The following PDZRN3 variants were observed in gnomAD, a reference collection of about 807,000 sequenced individuals.
PDZRN3 encodes PDZ domain containing ring finger 3, also known as E3 ubiquitin-protein ligase PDZRN3.
Under a neutral mutation model 85.7 loss-of-function variants are expected in PDZRN3, and 38 were observed. The observed-to-expected ratio is 0.44, with a 90% CI of 0.34 to 0.58. The LOEUF (loss-of-function observed/expected upper bound fraction) is 0.58, where lower values mean the gene tolerates loss of function less well. PDZRN3 is among the 20% of genes least tolerant of loss of function. PDZRN3 has a pLI of 0.01. For synonymous variants in PDZRN3, 759 were observed against 638.0 expected (o/e 1.19, Z -2.86); for missense variants, 1,629 against 1,506.4 (o/e 1.08, Z -1.35).
At chr3:73,560,477 A>C (rs1701793567) in intron 3 of PDZRN3, among the ~76,000 whole-genome samples, 1 of 152,194 alleles carries the variant, frequency 6.6e-6, no homozygotes, top group African/African-American at 2.4e-5. Flanking sequence ...TTCCATAAGA[A>C]AATATGCACC....
At chr3:73,523,068 G>A (rs1199453066) in intron 3 of PDZRN3, among the ~76,000 whole-genome samples, 1 of 152,158 alleles carries the variant, frequency 6.6e-6, no homozygotes, top group Non-Finnish European at 1.5e-5. Flanking sequence ...TGTCGCCCAG[G>A]CTGGAGTGCA....
At chr3:73,403,352 C>A (rs186742262) in intron 4 of PDZRN3, among the ~76,000 whole-genome samples, 76 of 152,278 alleles carry the variant, frequency 5.0e-4, no homozygotes, top group African/African-American at 1.8e-3. Context: ...TTTACATCAC[C>A]CACTAAATTA....
chr3:73,580,150 T>C (rs1179967795), intron 3 of PDZRN3, among the ~76,000 whole-genome samples: 2 of 152,178 alleles, frequency 1.3e-5, no homozygotes, highest in Non-Finnish European at 2.9e-5. Context: ...AAAATATCAA[T>C]TTTCAGAGCT....
At chr3:73,508,616 G>A (rs1199373619) in intron 3 of PDZRN3, among the ~76,000 whole-genome samples, 1 of 152,132 alleles carries the variant, frequency 6.6e-6, no homozygotes, top group Non-Finnish European at 1.5e-5. Context: ...AAGCCAGGAA[G>A]CCTTAATTTC....
intron 3 of PDZRN3, among the ~76,000 whole-genome samples, chr3:73,529,028 T>G (rs1704592587): frequency 6.6e-6 from 1 of 152,120 alleles, no homozygotes; most frequent in Non-Finnish European, 1.5e-5. Context: ...CTGACAAGGT[T>G]AAAGTATACT....
intron 3 of PDZRN3, among the ~76,000 whole-genome samples, chr3:73,498,225 G>C (rs996175185): frequency 1.3e-5 from 2 of 152,090 alleles, no homozygotes; most frequent in Non-Finnish European, 2.9e-5. Context: ...CCATCCTCCT[G>C]ACTTGAGTTT....
chr3:73,475,102 A>C (rs1171617311), intron 3 of PDZRN3, among the ~76,000 whole-genome samples: 1 of 131,972 alleles, frequency 7.6e-6, no homozygotes, highest in Admixed American at 7.8e-5. Flanking sequence ...AGGGACCACC[A>C]GCTCTACACA....
intron 3 of PDZRN3, among the ~76,000 whole-genome samples, chr3:73,478,545 T>C (rs1327475934): frequency 6.6e-6 from 1 of 150,920 alleles, no homozygotes; most frequent in Non-Finnish European, 1.5e-5. Flanking sequence ...GTAATAATAA[T>C]ATAATAATAA....
At chr3:73,426,110 A>G (rs1164727520) in intron 3 of PDZRN3, among the ~76,000 whole-genome samples, 4 of 152,102 alleles carry the variant, frequency 2.6e-5, no homozygotes, top group Non-Finnish European at 5.9e-5. Context: ...TTAGGAGGAT[A>G]TAGGATAATG....
intron 3 of PDZRN3, among the ~76,000 whole-genome samples, chr3:73,528,548 C>A (rs1485989010): frequency 2.0e-5 from 3 of 151,994 alleles, no homozygotes; most frequent in African/African-American, 7.3e-5. Context: ...CTTTTATATG[C>A]GATTACGAAG....
At chr3:73,474,866 G>A (rs1240169161) in intron 3 of PDZRN3, among the ~76,000 whole-genome samples, 2 of 152,154 alleles carry the variant, frequency 1.3e-5, no homozygotes, top group Non-Finnish European at 2.9e-5. Flanking sequence ...TTCAGCCCTG[G>A]GGTGGCTAAT....
intron 5 of PDZRN3, among the ~76,000 whole-genome samples, chr3:73,393,352 A>G (rs994464223): frequency 3.3e-5 from 5 of 152,114 alleles, no homozygotes; most frequent in Non-Finnish European, 7.4e-5. Context: ...TACTACTACT[A>G]CTACTACTAC....
rs36036904 is a variant in PDZRN3 at position 73,390,654 on chromosome 3, T to TGTGTGTGTGTGAGAGAGA, written c.1353+363_1353+364insTCTCTCTCACACACACAC. Among the ~76,000 whole-genome samples the TGTGTGTGTGTGAGAGAGA allele has an allele frequency of 2.1e-5, 3 of 140,052 alleles. No homozygotes were observed. The South Asian group carries it at 7.2e-4, about 34-fold the overall frequency. The allele number at this position is 140,052 out of a possible 152,430, so 91.9% of individuals were successfully genotyped here. On this transcript the variant is annotated intron_variant, in intron 6 of 9. Coordinates refer to ENST00000263666, the MANE Select transcript of PDZRN3 (RefSeq NM_015009.3). ...AAAAAAATGTGTGTGTGTGTGTGTG[T>TGTGTGTGTGTGAGAGAGA]GAGAGAGAGAGAGAGAGAGGCTTTA...
intron 3 of PDZRN3, among the ~76,000 whole-genome samples, chr3:73,483,461 AGAAGAAATGTATTT>A (rs983263101): frequency 6.6e-6 from 1 of 152,220 alleles, no homozygotes; most frequent in African/African-American, 2.4e-5. Context: ...TTTACAGAAA[AGAAGAAATGTATTT>A]TTGCATTTTC....
At chr3:73,525,943 C>T (rs1010398761) in intron 3 of PDZRN3, among the ~76,000 whole-genome samples, 1 of 152,194 alleles carries the variant, frequency 6.6e-6, no homozygotes, top group African/African-American at 2.4e-5. Context: ...TTCCTGAGGG[C>T]AGGGACCCTC....
At position 73,383,952 on chromosome 3, in the gene PDZRN3, G is replaced by C. The variant is rs535289891; in HGVS notation, c.2614C>G (p.His872Asp). 1 of 1,601,576 alleles carries C rather than the reference G, an allele frequency of 6.2e-7. No homozygotes were observed. The highest frequency in any genetic ancestry group is 1.1e-5 in the South Asian group (1 of 89,082). The change falls in exon 10 of 10, where the codon CAC (histidine) becomes GAC (aspartate). Residue 872 changes from histidine to aspartate, a missense_variant. Transcript: ENST00000263666. Reference protein sequence around the residue: ...SYHHSPYKHAHIPAHAQHYQS... With the variant: ...SYHHSPYKHADIPAHAQHYQS... ...TAGTGCTGGGCGTGCGCCGGGATGT[G>C]CGCGTGCTTGTATGGGGAGTGGTGA...
intron 9 of PDZRN3, among the ~76,000 whole-genome samples, chr3:73,385,226 T>G (rs990506829): frequency 2.0e-5 from 3 of 150,938 alleles, no homozygotes; most frequent in African/African-American, 7.5e-5. Flanking sequence ...AGTACACAGG[T>G]AGAAGGATGT....
chr3:73,623,973 G>C (rs1449148426), intron 1 of PDZRN3, 130 bp downstream of exon 1: 26 of 919,672 alleles, frequency 2.8e-5, no homozygotes, highest in Non-Finnish European at 3.8e-5. Flanking sequence ...CTGGTAAGCA[G>C]TGGAAGAAGA....
intron 3 of PDZRN3, among the ~76,000 whole-genome samples, chr3:73,592,889 T>C (rs1041140613): frequency 6.6e-6 from 1 of 152,218 alleles, no homozygotes; most frequent in Admixed American, 6.5e-5. Context: ...CATAGCACCC[T>C]GGTCTATAGG....
Sources: allele counts gnomAD v4.1 joint callset (sites outside exome capture counted in the v4.1 genomes callset), GRCh38; gene constraint gnomAD v4.1.1; transcripts MANE v1.5; gene names NCBI Gene and HGNC (gene_info 2026-07-23, HGNC 2026-07-21).